The following CRMP1 variants were observed in gnomAD, a reference collection of about 807,000 sequenced individuals.
CRMP1 encodes the protein collapsin response mediator protein 1, also known as dihydropyrimidinase-related protein 1.
Under a neutral mutation model 68.3 loss-of-function variants are expected in CRMP1, and 19 were observed. The observed-to-expected ratio is 0.28, with a 90% confidence interval of 0.19 to 0.41. CRMP1 has a LOEUF of 0.41. CRMP1 is among the 10% of genes least tolerant of loss of function. The pLI, the probability that CRMP1 is intolerant of heterozygous loss-of-function variation, is 1.00. For missense variants in CRMP1, 791 were observed against 967.4 expected (o/e 0.82, Z 2.42); for synonymous variants, 439 against 399.6 (o/e 1.10, Z -1.18).
In CRMP1 at chr4:5,889,659, C is replaced by T. The variant is rs913306301; in HGVS notation, c.381+2930G>A. ...CACTTCGTTGTTCATTTTCTGCATGCGAAATCCAACCCCACAGGTCCTATG... is the reference window on the plus strand; with the variant it reads ...CACTTCGTTGTTCATTTTCTGCATGTGAAATCCAACCCCACAGGTCCTATG... On this transcript the variant is annotated intron_variant, in intron 1 of 13. Transcript: ENST00000324989. This position sits in a 1 kb window ranked among gnomAD's most constrained non-coding sequence, Gnocchi z 4.5. 1.1e-5 allele frequency: 17 copies of T among 1,536,038 alleles called. No homozygotes were observed. Among genetic ancestry groups the T allele is most frequent in the African/African-American group, 2.7e-5 (2 of 73,048 alleles).
chr4:5,841,186 C>T lies in CRMP1; in HGVS notation c.1153+122G>A. The T allele has an allele frequency of 2.0e-6, 3 of 1,472,718 alleles. No individual in the cohort carries two copies. Among genetic ancestry groups the T allele is most frequent in the South Asian group, 2.4e-5 (2 of 83,138 alleles). 91.2% of individuals were successfully genotyped at this position (1,472,718 alleles called of 1,614,324 possible). A position where few individuals can be genotyped will look rare whatever the true frequency, so the allele number is the denominator to read the frequency against. ...CCACCATCCTTGTGTCAGGAGCATC[C>T]CCGCTCCACCCCTCCCTCCTCCGGC... On this transcript the variant is annotated intron_variant, in intron 8 of 13. Coordinates refer to ENST00000324989, the MANE Select transcript of CRMP1 (RefSeq NM_001014809.3). This position sits in a 1 kb window ranked among gnomAD's most constrained non-coding sequence, Gnocchi z 6.9.
rs56927662 is a variant in CRMP1, at chr4:5,822,493, A to AGG, written c.1970-644_1970-643dup. On this transcript the variant is annotated intron_variant, in intron 13 of 13. Transcript: ENST00000324989. ...CCTCATTGGCGATAGGTGGATCTGA[A>AGG]GGGGGGGGGGGTGGTGTGCAGAGGT... Among the ~76,000 whole-genome samples the AGG allele has an allele frequency of 4.5e-3, 603 of 134,086 alleles. 3 individuals are homozygous for AGG. The highest frequency in any genetic ancestry group is 7.5e-3 in the Middle Eastern group (2 of 266). The allele number at this position is 134,086 out of a possible 152,430, so 88.0% of individuals were successfully genotyped here.
At chr4:5,869,268 G>A (rs964638711) in intron 1 of CRMP1, among the ~76,000 whole-genome samples, 2 of 152,056 alleles carry the variant, frequency 1.3e-5, no homozygotes, top group South Asian at 4.2e-4. Context: ...TCCACTTCTT[G>A]AAGGCTTGTA....
rs371270427 is a variant in CRMP1 at position 5,859,732 on chromosome 4, T to C, written c.655+1294A>G. Among the ~76,000 whole-genome samples the C allele has an allele frequency of 2.0e-5, 3 of 152,040 alleles. No homozygotes were observed. The South Asian group carries it at 6.2e-4, about 32-fold the overall frequency. ...CACGGGCTGCCCTTTGGAAGAGGGA[T>C]CAGGACAGTGCTTGCCTCAAAAGTC... is the stretch of plus-strand genomic sequence containing the variant. On this transcript the variant is annotated intron_variant, in intron 3 of 13. Transcript: ENST00000324989. This position sits in a 1 kb window ranked among gnomAD's most constrained non-coding sequence, Gnocchi z 5.2.
chr4:5,857,296 C>T (rs1381107884), intron 3 of CRMP1, among the ~76,000 whole-genome samples: 2 of 151,852 alleles, frequency 1.3e-5, no homozygotes, highest in South Asian at 4.2e-4. Flanking sequence ...ATCTTCATCA[C>T]CACCATCCTA....
At chr4:5,830,654 A>G (rs533551010) in intron 11 of CRMP1, among the ~76,000 whole-genome samples, 5 of 152,190 alleles carry the variant, frequency 3.3e-5, no homozygotes, top group Admixed American at 1.3e-4. Flanking sequence ...CAGTCAGTCT[A>G]TTCCTTGGCT....
intron 11 of CRMP1, among the ~76,000 whole-genome samples, chr4:5,830,675 G>C (rs1720307696): frequency 6.6e-6 from 1 of 151,984 alleles, no homozygotes; most frequent in Admixed American, 6.6e-5. Context: ...CTCTTTTCTT[G>C]TACCCCTGCC....
chr4:5,827,587 CAG>C lies in CRMP1; in HGVS notation c.1803+900_1803+901del, dbSNP rs558306708. Among the ~76,000 whole-genome samples the C allele has an allele frequency of 1.3e-3, 198 of 152,264 alleles. 1 individual carries two copies. Among genetic ancestry groups the C allele is most frequent in the African/African-American group, 4.4e-3 (181 of 41,542 alleles). Reference sequence around the variant, plus strand: ...ACAGGTACACACATGGCCACACACACAGAGCTCACCACATGCTCGCATACACA... The same window carrying C: ...ACAGGTACACACATGGCCACACACACAGCTCACCACATGCTCGCATACACA... On this transcript the variant is annotated intron_variant, in intron 12 of 13. Coordinates refer to ENST00000324989, the MANE Select transcript of CRMP1 (RefSeq NM_001014809.3).
At chr4:5,827,841 G>C (rs1719929157) in intron 12 of CRMP1, among the ~76,000 whole-genome samples, 1 of 152,168 alleles carries the variant, frequency 6.6e-6, no homozygotes, top group Non-Finnish European at 1.5e-5. Context: ...GGAAGATGTT[G>C]GCCACGGGCG....
chr4:5,881,601 T>C lies in CRMP1; in HGVS notation c.381+10988A>G, dbSNP rs889700464. 3.9e-5 allele frequency among the ~76,000 whole-genome samples: 6 copies of C among 152,168 alleles called. No homozygotes were observed. Among genetic ancestry groups the C allele is most frequent in the African/African-American group, 1.4e-4 (6 of 41,444 alleles). On this transcript the variant is annotated intron_variant, in intron 1 of 13. Transcript: ENST00000324989. The surrounding 1 kb of genome is among the most constrained non-coding windows in gnomAD (Gnocchi z 4.6). ...TTTATATGCTCTCACGGCAAAGTCC[T>C]CCGGTGTTCCTCTTCCATGGCAAGA...
chr4:5,862,649 C>T (rs141598562), intron 2 of CRMP1, among the ~76,000 whole-genome samples: 65 of 152,304 alleles, frequency 4.3e-4, no homozygotes, highest in African/African-American at 1.5e-3. Context: ...GGCCTGGGCA[C>T]GGTCCAGGCA....
intron 12 of CRMP1, among the ~76,000 whole-genome samples, chr4:5,827,679 C>T (rs1719871994): frequency 1.3e-5 from 2 of 151,884 alleles, no homozygotes; most frequent in South Asian, 2.1e-4. Flanking sequence ...TACACACGTG[C>T]ATGCATGTAC....
chr4:5,851,840 GGAGGAGGAGGAGGAA>G (rs1390510516), intron 4 of CRMP1, among the ~76,000 whole-genome samples: 10 of 148,356 alleles, frequency 6.7e-5, no homozygotes, highest in Non-Finnish European at 1.2e-4. Flanking sequence ...AAGGAGAAGG[GGAGGAGGAGGAGGAA>G]GAGGAGCAGG....
At position 5,854,399 on chromosome 4, in the gene CRMP1, G is replaced by GT. The variant is rs35551598; in HGVS notation, c.820+1743dup. ...GGCGTACACCACCACTCCTGGCTAT[G>GT]TTTTTTTTTTTTTTTTTTTTTTTTT... On this transcript the variant is annotated intron_variant, in intron 4 of 13. Coordinates refer to ENST00000324989, the MANE Select transcript of CRMP1 (RefSeq NM_001014809.3). This position sits in a 1 kb window ranked among gnomAD's most constrained non-coding sequence, Gnocchi z 4.0. Among the ~76,000 whole-genome samples the GT allele has an allele frequency of 4.8e-3, 342 of 70,848 alleles. 2 individuals carry two copies. Among genetic ancestry groups the GT allele is most frequent in the African/African-American group, 0.018 (301 of 16,520 alleles). 46.5% of individuals were successfully genotyped at this position (70,848 alleles called of 152,430 possible).
intron 3 of CRMP1, among the ~76,000 whole-genome samples, chr4:5,857,933 T>C (rs1713254755): frequency 6.6e-6 from 1 of 152,138 alleles, no homozygotes; most frequent in South Asian, 2.1e-4. Flanking sequence ...CCCTGTTTCT[T>C]TGCACCCCCA....
Position 5,828,615 on chromosome 4 carries a change from C to G in CRMP1, c.1677G>C (p.Val559=), listed in dbSNP as rs748115811. The G allele has an allele frequency of 6.2e-7, 1 of 1,614,192 alleles. No homozygotes were observed. Among genetic ancestry groups the G allele is most frequent in the Non-Finnish European group, 8.5e-7 (1 of 1,180,044 alleles). The change falls in exon 12 of 14, where the codon GTG becomes GTC. Residue 559 remains valine (V), a synonymous_variant. Transcript: ENST00000324989. ...AGACGATCTTGCCCTGGCTGATGAC[C>G]ACTAGTGGGGAGCCGTGGCACTCCA... ...EGMECHGSPL[V]VISQGKIVFE... is the part of the protein sequence containing the mutation.
At chr4:5,869,696 A>AAAAAAG (rs1302555070) in intron 1 of CRMP1, among the ~76,000 whole-genome samples, 8 of 149,976 alleles carry the variant, frequency 5.3e-5, no homozygotes, top group African/African-American at 2.0e-4. Context: ...AAAAAAAAAA[A>AAAAAAG]AAAAAGAAAA....
chr4:5,831,519 G>T (rs181888802), intron 11 of CRMP1, among the ~76,000 whole-genome samples: 1 of 152,214 alleles, frequency 6.6e-6, no homozygotes, highest in East Asian at 1.9e-4. Flanking sequence ...CCCTAAAGTG[G>T]CTCCACTATG....
intron 6 of CRMP1, among the ~76,000 whole-genome samples, chr4:5,847,679 G>T (rs970584668): frequency 1.3e-5 from 2 of 152,184 alleles, no homozygotes; most frequent in Non-Finnish European, 1.5e-5. Flanking sequence ...TAGATCTCCA[G>T]CACTGAACCA....
Sources: gnomAD v4.1 joint callset for allele counts (sites outside exome capture counted in the v4.1 genomes callset) on GRCh38, gnomAD v4.1.1 for gene constraint, Gnocchi (gnomAD v3.1) non-coding constraint, MANE v1.5 for transcripts, NCBI Gene and HGNC (gene_info 2026-07-23, HGNC 2026-07-21) for gene names.